Variants in AGBL4 observed in about 807,000 individuals in gnomAD.
The protein encoded by AGBL4 is AGBL carboxypeptidase 4.
In AGBL4, 58 loss-of-function variants were observed where a neutral mutation model predicts 66.4. The observed-to-expected ratio is 0.87, with a 90% CI of 0.71 to 1.09. The LOEUF is 1.09. Ranked by LOEUF, AGBL4 falls within the 50% of genes least tolerant of loss-of-function variation. The pLI, the probability that AGBL4 is intolerant of heterozygous loss-of-function variation, is 0.00. For missense variants in AGBL4, 579 were observed against 631.0 expected (o/e 0.92, Z 0.88); for synonymous variants, 234 against 222.9 (o/e 1.05, Z -0.44).
At chr1:49,849,994 G>C (rs1424494919) in intron 2 of AGBL4, among the ~76,000 whole-genome samples, 1 of 152,104 alleles carries the variant, frequency 6.6e-6, no homozygotes, top group African/African-American at 2.4e-5. Context: ...ACTAGTACAA[G>C]ATTTATAGAA....
At chr1:49,598,915 G>A (rs567913318) in intron 3 of AGBL4, among the ~76,000 whole-genome samples, 69 of 152,238 alleles carry the variant, frequency 4.5e-4, no homozygotes, top group African/African-American at 9.1e-4. Flanking sequence ...ATTGATTTGC[G>A]TACGTTGAAC....
At chr1:49,392,164 T>A (rs1644864446) in intron 3 of AGBL4, among the ~76,000 whole-genome samples, 2 of 152,110 alleles carry the variant, frequency 1.3e-5, no homozygotes, top group Admixed American at 6.5e-5. Context: ...TAAAAGTAAA[T>A]TAAGTAAAAT....
At chr1:49,022,799 G>A (rs1013352097) in intron 5 of AGBL4, among the ~76,000 whole-genome samples, 2 of 152,136 alleles carry the variant, frequency 1.3e-5, no homozygotes, top group Non-Finnish European at 2.9e-5. Context: ...TACTATTCAT[G>A]TATATGTTGT....
intron 8 of AGBL4, among the ~76,000 whole-genome samples, chr1:48,643,872 G>A (rs1396977545): frequency 6.6e-6 from 1 of 152,118 alleles, no homozygotes; most frequent in East Asian, 1.9e-4. Flanking sequence ...TCTGCCACAT[G>A]GTGTGCTTTC....
intron 3 of AGBL4, among the ~76,000 whole-genome samples, chr1:49,525,312 C>T (rs1023491285): frequency 1.3e-5 from 2 of 151,756 alleles, no homozygotes; most frequent in African/African-American, 4.8e-5. Context: ...ATATACAAAC[C>T]TGCTGTAGAG....
At chr1:49,171,413 T>G (rs1015967055) in intron 4 of AGBL4, among the ~76,000 whole-genome samples, 10 of 152,210 alleles carry the variant, frequency 6.6e-5, no homozygotes, top group Admixed American at 2.0e-4. Flanking sequence ...ATATTTCAAG[T>G]GATTTTCAGA....
chr1:49,029,022 T>C (rs554133887), intron 5 of AGBL4, among the ~76,000 whole-genome samples: 1 of 152,232 alleles, frequency 6.6e-6, no homozygotes, highest in African/African-American at 2.4e-5. Flanking sequence ...CCTTTCATGA[T>C]AAAAATACTC....
At chr1:49,682,565 T>C (rs1390774507) in intron 3 of AGBL4, among the ~76,000 whole-genome samples, 1 of 152,220 alleles carries the variant, frequency 6.6e-6, no homozygotes, top group Non-Finnish European at 1.5e-5. Context: ...CACAGATTTT[T>C]CAATAGCTTA....
intron 3 of AGBL4, among the ~76,000 whole-genome samples, chr1:49,392,559 G>A (rs531138826): frequency 2.6e-5 from 4 of 152,294 alleles, no homozygotes; most frequent in Non-Finnish European, 4.4e-5. Context: ...ATTTTAGTTC[G>A]TTAGTTCCTT....
At chr1:49,046,453 C>A (rs1345973197) in intron 4 of AGBL4, among the ~76,000 whole-genome samples, 3 of 152,128 alleles carry the variant, frequency 2.0e-5, no homozygotes, top group Non-Finnish European at 4.4e-5. Context: ...TCCACAGAAG[C>A]ACTTTGGGAA....
At chr1:48,862,600 T>C (rs1934391) in intron 6 of AGBL4, among the ~76,000 whole-genome samples, 135,384 of 152,242 alleles carry the variant, frequency 0.89, 60,790 homozygotes, top group Non-Finnish European at 0.96. Context: ...GGATTACAGG[T>C]GTGAGCCACT....
chr1:48,760,440 G>T (rs1444257340), intron 6 of AGBL4, among the ~76,000 whole-genome samples: 1 of 152,184 alleles, frequency 6.6e-6, no homozygotes, highest in Non-Finnish European at 1.5e-5. Flanking sequence ...CTCTGATATT[G>T]TGTTACATGA....
intron 6 of AGBL4, among the ~76,000 whole-genome samples, chr1:48,688,789 T>A (rs926675206): frequency 1.3e-5 from 2 of 151,674 alleles, no homozygotes; most frequent in African/African-American, 4.9e-5. Context: ...AGGAAGAGCA[T>A]TGCAAAGCTC....
rs116242496 is a variant in AGBL4 at position 49,846,290 on chromosome 1, C to T, written c.157+5106G>A. On this transcript the variant is annotated intron_variant, in intron 2 of 13. Transcript: ENST00000371839. ...CTTTAGGCAGAGCACCCACCTCACA[C>T]AGCACTGGAGGATCCACACAGGAGA... 1.0e-3 allele frequency: 1,539 copies of T among 1,506,882 alleles called. 27 individuals carry two copies. The East Asian group carries it at 0.029, about 29-fold the overall frequency. 93.3% of individuals were successfully genotyped at this position (1,506,882 alleles called of 1,614,324 possible).
chr1:49,806,199 T>C (rs926516220), intron 2 of AGBL4, among the ~76,000 whole-genome samples: 2 of 152,100 alleles, frequency 1.3e-5, no homozygotes, highest in Admixed American at 1.3e-4. Flanking sequence ...AATATGTAAG[T>C]GGTCATGATC....
At chr1:49,724,619 C>T (rs1490680173) in intron 2 of AGBL4, among the ~76,000 whole-genome samples, 1 of 152,146 alleles carries the variant, frequency 6.6e-6, no homozygotes, top group Non-Finnish European at 1.5e-5. Flanking sequence ...TGTATCCCCT[C>T]AAAATTCATA....
At chr1:49,721,412 G>A (rs1648599220) in intron 2 of AGBL4, among the ~76,000 whole-genome samples, 1 of 151,820 alleles carries the variant, frequency 6.6e-6, no homozygotes, top group African/African-American at 2.4e-5. Flanking sequence ...TGAAGTCAGT[G>A]AGACCACAAA....
At chr1:49,509,481 A>G (rs757040012) in intron 3 of AGBL4, among the ~76,000 whole-genome samples, 7 of 151,890 alleles carry the variant, frequency 4.6e-5, no homozygotes, top group Non-Finnish European at 1.0e-4. Context: ...TTATAAAAAC[A>G]TGTGTCTCTT....
rs76381601 is a variant in AGBL4 at position 48,759,416 on chromosome 1, A to G, written c.635-96175T>C. 13,744 of 1,380,482 alleles carry G rather than the reference A, an allele frequency of 1.0e-2. 89 individuals carry two copies. Among genetic ancestry groups the G allele is most frequent in the Non-Finnish European group, 0.012 (12,475 of 1,052,720 alleles). The allele number at this position is 1,380,482 out of a possible 1,614,324, so 85.5% of individuals were successfully genotyped here. A position where few individuals can be genotyped will look rare whatever the true frequency, so the allele number is the denominator to read the frequency against. On this transcript the variant is annotated intron_variant, in intron 6 of 13. Coordinates refer to ENST00000371839, the MANE Select transcript of AGBL4 (RefSeq NM_032785.4). ...TCAGTGCTTGGAGAAACCTGTGCAA[A>G]CACTTAGTCAAAGCCCTTCATTTTA...
Sources: allele counts gnomAD v4.1 joint callset (sites outside exome capture counted in the v4.1 genomes callset), GRCh38; gene constraint gnomAD v4.1.1; transcripts MANE v1.5; gene names NCBI Gene and HGNC (gene_info 2026-07-23, HGNC 2026-07-21).